The following KHDRBS2 variants were observed in gnomAD, a reference collection of about 807,000 sequenced individuals.
KHDRBS2 encodes KH domain-containing, RNA-binding, signal transduction-associated protein 2.
KHDRBS2 carries 26 observed loss-of-function variants against 44.3 expected under a neutral mutation model. That is an observed-to-expected ratio of 0.59 (90% CI 0.43 to 0.81). The LOEUF (loss-of-function observed/expected upper bound fraction) is 0.81, where lower values mean the gene tolerates loss of function less well. Ranked by LOEUF, KHDRBS2 falls within the 40% of genes least tolerant of loss-of-function variation. KHDRBS2 has a pLI of 0.00. For synonymous variants in KHDRBS2, 194 were observed against 151.1 expected (o/e 1.28, Z -2.08); for missense variants, 476 against 433.1 (o/e 1.10, Z -0.88).
intron 5 of KHDRBS2, among the ~76,000 whole-genome samples, chr6:61,899,231 A>C (rs1235806410): frequency 6.6e-6 from 1 of 151,900 alleles, no homozygotes; most frequent in Admixed American, 6.6e-5. Context: ...TCCATACTTT[A>C]TATTGTATCA....
intron 2 of KHDRBS2, among the ~76,000 whole-genome samples, chr6:62,151,229 G>A (rs1416379214): frequency 6.6e-6 from 1 of 152,070 alleles, no homozygotes; most frequent in African/African-American, 2.4e-5. Context: ...AAGAACACAA[G>A]GCTAAAACTT....
At position 61,824,041 on chromosome 6, in the gene KHDRBS2, TTAA is replaced by T. The variant is rs1790437150; in HGVS notation, c.810+70591_810+70593del. ...TTTCCCAAAAGAAAATTTTTTAATT[TTAA>T]TAATACAAGATATGCATGACTTTAA... On this transcript the variant is annotated intron_variant, in intron 6 of 8. Coordinates refer to ENST00000281156, the MANE Select transcript of KHDRBS2 (RefSeq NM_152688.4). Among the ~76,000 whole-genome samples the T allele has an allele frequency of 2.0e-5, 3 of 152,098 alleles. No homozygotes were observed. The South Asian group carries it at 6.2e-4, about 32-fold the overall frequency.
chr6:61,759,495 G>A, intron 6 of KHDRBS2, among the ~76,000 whole-genome samples: 1 of 151,874 alleles, frequency 6.6e-6, no homozygotes, highest in Non-Finnish European at 1.5e-5. Context: ...TATTAAAATA[G>A]ACTTACTGAT....
At chr6:62,031,063 C>T (rs1382421176) in intron 3 of KHDRBS2, among the ~76,000 whole-genome samples, 1 of 152,016 alleles carries the variant, frequency 6.6e-6, no homozygotes, top group Admixed American at 6.6e-5. Context: ...TTATGCAATA[C>T]TAGAAAAAGG....
At chr6:61,980,247 T>C (rs1379582095) in intron 3 of KHDRBS2, among the ~76,000 whole-genome samples, 1 of 152,166 alleles carries the variant, frequency 6.6e-6, no homozygotes, top group Non-Finnish European at 1.5e-5. Flanking sequence ...AAGTTAAGAA[T>C]AGTAGCTACC....
chr6:61,935,504 T>C (rs1244786878), intron 4 of KHDRBS2, among the ~76,000 whole-genome samples: 1 of 152,168 alleles, frequency 6.6e-6, no homozygotes, highest in Non-Finnish European at 1.5e-5. Context: ...GGTCAGAACA[T>C]GCATGAATGC....
chr6:61,696,666 AG>A (rs1767947254), intron 8 of KHDRBS2, among the ~76,000 whole-genome samples: 1 of 152,120 alleles, frequency 6.6e-6, no homozygotes, highest in Admixed American at 6.6e-5. Context: ...ATTAATTTTA[AG>A]TGGCATTTTA....
intron 2 of KHDRBS2, among the ~76,000 whole-genome samples, chr6:62,126,337 G>A (rs1266426891): frequency 1.3e-5 from 2 of 152,168 alleles, no homozygotes; most frequent in Non-Finnish European, 2.9e-5. Flanking sequence ...GTAGAATAGA[G>A]CACCAGGTAG....
chr6:61,775,039 A>G (rs976341041), intron 6 of KHDRBS2, among the ~76,000 whole-genome samples: 1 of 152,068 alleles, frequency 6.6e-6, no homozygotes, highest in African/African-American at 2.4e-5. Context: ...AAAGACAAAA[A>G]CCACATGATT....
At chr6:62,175,340 A>T (rs1473434827) in intron 2 of KHDRBS2, among the ~76,000 whole-genome samples, 1 of 151,570 alleles carries the variant, frequency 6.6e-6, no homozygotes, top group Non-Finnish European at 1.5e-5. Flanking sequence ...ATCCCATAAA[A>T]CTATTATATT....
chr6:61,838,147 G>T (rs1793017855), intron 6 of KHDRBS2, among the ~76,000 whole-genome samples: 2 of 152,016 alleles, frequency 1.3e-5, no homozygotes, highest in Admixed American at 1.3e-4. Context: ...TTATCTTGGT[G>T]CAGTGTTTAT....
chr6:62,233,981 T>C (rs1372349055), intron 1 of KHDRBS2, among the ~76,000 whole-genome samples: 2 of 152,174 alleles, frequency 1.3e-5, no homozygotes, highest in Non-Finnish European at 1.5e-5. Flanking sequence ...CAATGATTTA[T>C]ATTTTTTTGA....
In KHDRBS2 at chr6:62,161,579, G is replaced by C. The variant is rs1029918701; in HGVS notation, c.219+15606C>G. Among the ~76,000 whole-genome samples the C allele has an allele frequency of 7.7e-5, 10 of 129,928 alleles. 2 individuals carry two copies. The highest frequency in any genetic ancestry group is 6.1e-4 in the Admixed American group (8 of 13,060). The allele number at this position is 129,928 out of a possible 152,430, so 85.2% of individuals were successfully genotyped here. A position where few individuals can be genotyped will look rare whatever the true frequency, so the allele number is the denominator to read the frequency against. On this transcript the variant is annotated intron_variant, in intron 2 of 8. Coordinates refer to ENST00000281156, the MANE Select transcript of KHDRBS2 (RefSeq NM_152688.4). ...CCGAGAATTTTGGTATTTGCGGGGG[G>C]GGGGGGGGTCCCAGAACAAATCCTC...
chr6:62,199,009 C>G (rs1826311681), intron 1 of KHDRBS2, among the ~76,000 whole-genome samples: 2 of 152,108 alleles, frequency 1.3e-5, no homozygotes, highest in Admixed American at 1.3e-4. Flanking sequence ...TCAATAGATG[C>G]AGAAAAGGCG....
At chr6:61,552,557 G>T in the KHDRBS2 span, among the ~76,000 whole-genome samples, 1 of 152,034 alleles carries the variant, frequency 6.6e-6, no homozygotes, top group Non-Finnish European at 1.5e-5. Context: ...TGGTGAAAAT[G>T]GGCATCTTGT....
intron 1 of KHDRBS2, among the ~76,000 whole-genome samples, chr6:62,206,137 G>A (rs1243859237): frequency 6.6e-6 from 1 of 152,104 alleles, no homozygotes; most frequent in African/African-American, 2.4e-5. Flanking sequence ...GTATACAACA[G>A]AGAACCTCAC....
At chr6:62,145,153 G>T (rs909124874) in intron 2 of KHDRBS2, among the ~76,000 whole-genome samples, 1 of 151,630 alleles carries the variant, frequency 6.6e-6, no homozygotes, top group African/African-American at 2.4e-5. Flanking sequence ...TTACAGTAAT[G>T]CAAAAAGACT....
intron 6 of KHDRBS2, among the ~76,000 whole-genome samples, chr6:61,832,791 C>T (rs1792036528): frequency 6.6e-6 from 1 of 152,084 alleles, no homozygotes; most frequent in Admixed American, 6.6e-5. Flanking sequence ...ACCTAAGATA[C>T]CTGTGAGATG....
At chr6:61,564,591 T>A in the KHDRBS2 span, among the ~76,000 whole-genome samples, 26 of 152,166 alleles carry the variant, frequency 1.7e-4, no homozygotes, top group African/African-American at 5.5e-4. Flanking sequence ...GAGGATAGTA[T>A]CAATATCCGA....
Sources: allele counts gnomAD v4.1 joint callset (sites outside exome capture counted in the v4.1 genomes callset), GRCh38; gene constraint gnomAD v4.1.1; transcripts MANE v1.5; gene names NCBI Gene and HGNC (gene_info 2026-07-23, HGNC 2026-07-21).